VAMP4: variants seen among roughly 807,000 people sequenced by gnomAD.
The protein encoded by VAMP4 is vesicle associated membrane protein 4, also known as vesicle-associated membrane protein 4.
A neutral mutation model predicts 23.5 loss-of-function variants in VAMP4; 19 were observed. The observed-to-expected ratio is 0.81, with a 90% CI of 0.56 to 1.19. The LOEUF is 1.19. Ranked by LOEUF, VAMP4 falls within the 50% of genes most tolerant of loss-of-function variation. The pLI is 0.00. For missense variants in VAMP4, 145 were observed against 168.6 expected, an observed-to-expected ratio of 0.86 and a Z score of 0.78; for synonymous variants, 31 against 51.0, an observed-to-expected ratio of 0.61 and a Z score of 1.67.
At chr1:171,729,951 G>GGA (rs145451373) in intron 2 of VAMP4, among the ~76,000 whole-genome samples, 4 of 151,762 alleles carry the variant, frequency 2.6e-5, no homozygotes, top group South Asian at 2.1e-4. Context: ...GCAGAGTGAG[G>GGA]GAGAGAGAGA....
chr1:171,732,586 T>C (rs1655599094), intron 2 of VAMP4, among the ~76,000 whole-genome samples: 1 of 152,026 alleles, frequency 6.6e-6, no homozygotes, highest in Non-Finnish European at 1.5e-5. Flanking sequence ...ACTTTTATGT[T>C]AAATGTAAAT....
chr1:171,704,595 A>C, intron 7 of VAMP4, 61 bp from the exon 8 acceptor site: 1 of 1,318,334 alleles, frequency 7.6e-7, no homozygotes, highest in Non-Finnish European at 1.0e-6. Flanking sequence ...CTATGTTTGA[A>C]GCAATATTCC....
At chr1:171,720,085 A>G (rs1466175666) in intron 3 of VAMP4, among the ~76,000 whole-genome samples, 1 of 151,862 alleles carries the variant, frequency 6.6e-6, no homozygotes, top group Non-Finnish European at 1.5e-5. Flanking sequence ...TGAATATATC[A>G]TCTTGCCTTA....
chr1:171,713,289 CTT>C (rs111615016), intron 4 of VAMP4, among the ~76,000 whole-genome samples: 19 of 147,522 alleles, frequency 1.3e-4, no homozygotes, highest in African/African-American at 3.2e-4. Context: ...TCCCAGCCAG[CTT>C]TTTTTTTTTG....
Position 171,704,399 on chromosome 1 carries a change from T to G in VAMP4, c.*107A>C. 1 of 918,582 alleles carries G rather than the reference T, an allele frequency of 1.1e-6. No individual in the cohort carries two copies. The highest frequency in any genetic ancestry group is 2.4e-4 in the Middle Eastern group (1 of 4,220). 56.9% of individuals were successfully genotyped at this position (918,582 alleles called of 1,614,324 possible). On this transcript the variant is annotated 3_prime_UTR_variant, in exon 8 of 8. Coordinates refer to ENST00000236192, the MANE Select transcript of VAMP4 (RefSeq NM_003762.5). The stretch of plus-strand genomic sequence containing the variant: ...AAGTGATACTTGCCTCTTAGTTTCT[T>G]GAAAAAGAAGTTTTGAAAGTTATAT...
chr1:171,723,287 T>C (rs1655259896), intron 3 of VAMP4, among the ~76,000 whole-genome samples: 1 of 152,188 alleles, frequency 6.6e-6, no homozygotes, highest in Admixed American at 6.5e-5. Context: ...GATAACATCT[T>C]ATCAGGAGAC....
intron 4 of VAMP4, among the ~76,000 whole-genome samples, chr1:171,714,974 C>G (rs1052479968): frequency 6.6e-6 from 1 of 152,090 alleles, no homozygotes; most frequent in African/African-American, 2.4e-5. Context: ...GACATCAAGA[C>G]CCCTGTGCTG....
intron 4 of VAMP4, among the ~76,000 whole-genome samples, chr1:171,715,586 G>A (rs937561557): frequency 6.6e-6 from 1 of 152,172 alleles, no homozygotes; most frequent in East Asian, 1.9e-4. Context: ...TTACTTGTGA[G>A]AATTAAATGA....
At chr1:171,739,907 A>C (rs908393096) in intron 1 of VAMP4, among the ~76,000 whole-genome samples, 6 of 152,190 alleles carry the variant, frequency 3.9e-5, no homozygotes, top group African/African-American at 1.4e-4. Context: ...AACATACTAA[A>C]ATTTTTTTTT....
At chr1:171,720,094 T>C (rs893894193) in intron 3 of VAMP4, among the ~76,000 whole-genome samples, 1 of 151,890 alleles carries the variant, frequency 6.6e-6, no homozygotes, top group Non-Finnish European at 1.5e-5. Flanking sequence ...CATCTTGCCT[T>C]AGTTCCTCTA....
intron 3 of VAMP4, among the ~76,000 whole-genome samples, chr1:171,723,227 CTG>C (rs1655255554): frequency 6.6e-6 from 1 of 152,164 alleles, no homozygotes; most frequent in Non-Finnish European, 1.5e-5. Context: ...GATCACACGA[CTG>C]GGGCAAAATT....
Position 171,703,413 on chromosome 1 carries a change from G to GTA in VAMP4, c.*1092_*1093insTA, listed in dbSNP as rs1558103548. On this transcript the variant is annotated 3_prime_UTR_variant, in exon 8 of 8. Coordinates refer to ENST00000236192, the MANE Select transcript of VAMP4 (RefSeq NM_003762.5). Reference sequence around the variant, plus strand: ...TGTGCGTGTGTGTGTGTGTGTGTGTGTGTGTTTGTGTGTATATATATATAT... The same window carrying GTA: ...TGTGCGTGTGTGTGTGTGTGTGTGTGTATGTGTTTGTGTGTATATATATATAT... 1.0e-5 allele frequency: 1 copy of GTA among 99,528 alleles called. No homozygotes were observed. Among genetic ancestry groups the GTA allele is most frequent in the Non-Finnish European group, 2.0e-5 (1 of 50,058 alleles). 6.2% of individuals were successfully genotyped at this position (99,528 alleles called of 1,614,324 possible). A position where few individuals can be genotyped will look rare whatever the true frequency, so the allele number is the denominator to read the frequency against.
At chr1:171,708,848 GACA>G (rs1654752210) in intron 6 of VAMP4, among the ~76,000 whole-genome samples, 1 of 133,630 alleles carries the variant, frequency 7.5e-6, no homozygotes, top group Non-Finnish European at 1.5e-5. Context: ...GATCAGCCTG[GACA>G]ACAAGAGCAA....
chr1:171,710,077 G>A (rs943867400), intron 5 of VAMP4, among the ~76,000 whole-genome samples: 1 of 151,502 alleles, frequency 6.6e-6, no homozygotes, highest in Non-Finnish European at 1.5e-5. Context: ...CAAATACTTG[G>A]CACACCTCTA....
intron 4 of VAMP4, among the ~76,000 whole-genome samples, chr1:171,716,972 C>G (rs1655040056): frequency 6.6e-6 from 1 of 152,142 alleles, no homozygotes; most frequent in African/African-American, 2.4e-5. Context: ...TCTGTGATCA[C>G]CAAAGTTATT....
intron 6 of VAMP4, among the ~76,000 whole-genome samples, chr1:171,709,206 T>G (rs948085898): frequency 2.6e-5 from 4 of 151,992 alleles, no homozygotes; most frequent in African/African-American, 9.7e-5. Context: ...GAAGTGGAGT[T>G]TTTTCTTAAC....
Position 171,700,362 on chromosome 1 carries a change from A to C in VAMP4, c.*4144T>G, listed in dbSNP as rs1654387169. The C allele has an allele frequency of 6.6e-6, 1 of 152,220 alleles. No homozygotes were observed. Among genetic ancestry groups the C allele is most frequent in the African/African-American group, 2.4e-5 (1 of 41,458 alleles). 9.4% of individuals were successfully genotyped at this position (152,220 alleles called of 1,614,324 possible). A position where few individuals can be genotyped will look rare whatever the true frequency, so the allele number is the denominator to read the frequency against. On this transcript the variant is annotated 3_prime_UTR_variant, in exon 8 of 8. Coordinates refer to ENST00000236192, the MANE Select transcript of VAMP4 (RefSeq NM_003762.5). ...TTTCAAAACATCAAAGGCACTTACC[A>C]AAGTGATTAAATAAGGGAGTGTGGA...
chr1:171,733,848 A>G (rs1302600398), intron 2 of VAMP4, among the ~76,000 whole-genome samples: 1 of 152,218 alleles, frequency 6.6e-6, no homozygotes, highest in African/African-American at 2.4e-5. Flanking sequence ...AAGAGAAATA[A>G]AAACATGCTC....
At position 171,703,425 on chromosome 1, in the gene VAMP4, G is replaced by GTGTGTGTGTGTATA. The variant is rs1330620854; in HGVS notation, c.*1080_*1081insTATACACACACACA. 2 of 80,674 alleles carry GTGTGTGTGTGTATA rather than the reference G, an allele frequency of 2.5e-5. No individual in the cohort carries two copies. The highest frequency in any genetic ancestry group is 1.6e-4 in the Admixed American group (1 of 6,242). The allele number at this position is 80,674 out of a possible 1,614,324, so 5.0% of individuals were successfully genotyped here. A position where few individuals can be genotyped will look rare whatever the true frequency, so the allele number is the denominator to read the frequency against. The stretch of plus-strand genomic sequence containing the variant: ...TGTGTGTGTGTGTGTGTGTTTGTGT[G>GTGTGTGTGTGTATA]TATATATATATATATATATATATAT... On this transcript the variant is annotated 3_prime_UTR_variant, in exon 8 of 8. Transcript: ENST00000236192.
Sources: allele counts gnomAD v4.1 joint callset (sites outside exome capture counted in the v4.1 genomes callset), GRCh38; gene constraint gnomAD v4.1.1; transcripts MANE v1.5; gene names NCBI Gene and HGNC (gene_info 2026-07-23, HGNC 2026-07-21).